ZNF778: variants seen among roughly 807,000 people sequenced by gnomAD.
ZNF778 encodes the protein zinc finger protein 778.
In ZNF778, 37 loss-of-function variants were observed where a neutral mutation model predicts 23.9. The ratio of observed to expected loss-of-function variants is 1.54; its 90% CI spans 1.19 to 2.03. ZNF778 has a LOEUF of 2.03. Ranked by LOEUF, ZNF778 falls within the 30% of genes most tolerant of loss-of-function variation. ZNF778 has a pLI of 0.00. For missense variants in ZNF778, 1,297 were observed against 934.4 expected, an observed-to-expected ratio of 1.39 and a Z score of -5.06; for synonymous variants, 483 against 343.9, an observed-to-expected ratio of 1.40 and a Z score of -4.48.
In ZNF778 at chr16:89,231,573, C is replaced by A. The variant is rs997597241; in HGVS notation, c.*3011C>A. The stretch of plus-strand genomic sequence containing the variant: ...CCCATGGACTGGGGTTCCTAAGGCA[C>A]AAATTTGATATTTGAGATTCTGTGA... On this transcript the variant is annotated 3_prime_UTR_variant, in exon 7 of 7. Coordinates refer to ENST00000433976, the MANE Select transcript of ZNF778 (RefSeq NM_001201407.2). The A allele has an allele frequency of 6.6e-6, 1 of 152,188 alleles. No individual in the cohort carries two copies. Among genetic ancestry groups the A allele is most frequent in the African/African-American group, 2.4e-5 (1 of 41,444 alleles). 9.4% of individuals were successfully genotyped at this position (152,188 alleles called of 1,614,324 possible). A position where few individuals can be genotyped will look rare whatever the true frequency, so the allele number is the denominator to read the frequency against.
rs1369834531 is a variant in ZNF778, at chr16:89,227,859, T to C, written c.1571T>C (p.Met524Thr). ...FTGRSGLTKH[M>T]RTHTGEKPYE... is the part of the protein sequence containing the mutation. The stretch of plus-strand genomic sequence containing the variant: ...GGGCGCTCAGGCCTCACTAAACACA[T>C]GCGGACACACACCGGGGAGAAGCCC... The change falls in exon 7 of 7, where the codon ATG becomes ACG. Residue 524 changes from methionine (M) to threonine (T), a missense_variant. By Grantham distance (81) the Met-to-Thr change is moderately conservative. Coordinates refer to ENST00000433976, the MANE Select transcript of ZNF778 (RefSeq NM_001201407.2). The C allele has an allele frequency of 5.0e-6, 8 of 1,613,872 alleles. No individual in the cohort carries two copies. The highest frequency in any genetic ancestry group is 1.7e-4 in the Middle Eastern group (1 of 6,060).
intron 3 of ZNF778, 67 bp downstream of exon 3, chr16:89,222,250 C>T (rs1161741390): frequency 2.3e-6 from 3 of 1,292,806 alleles, no homozygotes. Flanking sequence ...AAGTTTCTGT[C>T]TGAGCAGACT....
chr16:89,223,431 C>A (rs78195243), intron 4 of ZNF778, 148 bp downstream of exon 4: 4 of 1,120,320 alleles, frequency 3.6e-6, no homozygotes, highest in South Asian at 1.5e-5. Flanking sequence ...CTAGTGTGGT[C>A]GTTTCCAGAA....
Position 89,231,277 on chromosome 16 carries a change from G to A in ZNF778, c.*2715G>A, listed in dbSNP as rs528770190. On this transcript the variant is annotated 3_prime_UTR_variant, in exon 7 of 7. Transcript: ENST00000433976. ...TGATTGGCTGAAATAAGTCCTGCAG[G>A]TCTCTGCTAGAACTGACTCACAGTT... is the stretch of plus-strand genomic sequence containing the variant. 3 of 152,248 alleles carry A rather than the reference G, an allele frequency of 2.0e-5. No individual in the cohort carries two copies. Among genetic ancestry groups the A allele is most frequent in the African/African-American group, 7.2e-5 (3 of 41,456 alleles). 9.4% of individuals were successfully genotyped at this position (152,248 alleles called of 1,614,324 possible). A position where few individuals can be genotyped will look rare whatever the true frequency, so the allele number is the denominator to read the frequency against.
chr16:89,222,113 C>T lies in ZNF778; in HGVS notation c.47C>T (p.Ser16Leu), dbSNP rs764885729. The change falls in exon 3 of 7, where the codon TCA becomes TTA. Residue 16 changes from serine (S) to leucine (L), a missense_variant. Physicochemically the swap from Ser to Leu is moderately radical, Grantham distance 145 (BLOSUM62 -2). Coordinates refer to ENST00000433976, the MANE Select transcript of ZNF778 (RefSeq NM_001201407.2). ...TTAGGAGGTCATGTTTCTAGGGACT[C>T]AGTCTGCCTTCATGAAGAACAGACA... is the stretch of plus-strand genomic sequence containing the variant. Reference protein sequence around the residue: ...LAHGGHVSRDSVCLHEEQTQA... With the variant: ...LAHGGHVSRDLVCLHEEQTQA... 2.5e-6 allele frequency: 4 copies of T among 1,602,438 alleles called. No homozygotes were observed. The highest frequency in any genetic ancestry group is 4.5e-5 in the East Asian group (2 of 44,092).
chr16:89,218,934 C>G (rs2030640404), intron 1 of ZNF778, among the ~76,000 whole-genome samples: 1 of 152,108 alleles, frequency 6.6e-6, no homozygotes, highest in South Asian at 2.1e-4. Flanking sequence ...ATGGAGAAAT[C>G]CCGTCTCTAC....
chr16:89,227,238 C>A lies in ZNF778; in HGVS notation c.950C>A (p.Ala317Asp). 1 of 1,613,486 alleles carries A rather than the reference C, an allele frequency of 6.2e-7. No individual in the cohort carries two copies. Among genetic ancestry groups the A allele is most frequent in the Non-Finnish European group, 8.5e-7 (1 of 1,179,472 alleles). ...TGTGAATTGGAAGAATGTGGAAAAG[C>A]CTCCCCTGTTTCTTCCAGCCTAACT... ...KPCELEECGK[A>D]SPVSSSLTQH... The change falls in exon 7 of 7, where the codon GCC (alanine) becomes GAC (aspartate). Residue 317 changes from alanine to aspartate, a missense_variant. Transcript: ENST00000433976.
chr16:89,224,503 C>T, intron 4 of ZNF778: 1 of 450,176 alleles, frequency 2.2e-6, no homozygotes, highest in Non-Finnish European at 4.1e-6. Flanking sequence ...CCTATAGTCC[C>T]AGCTACTTAG....
rs2151637446 is a variant in ZNF778, at chr16:89,228,698, A to G, written c.*136A>G. On this transcript the variant is annotated 3_prime_UTR_variant, in exon 7 of 7. Coordinates refer to ENST00000433976, the MANE Select transcript of ZNF778 (RefSeq NM_001201407.2). ...TCTCATCACAACCCGGCAGGCAGGA[A>G]CTCACCCTGGAGCCCTATGCAGCAG... 17 of 1,462,344 alleles carry G rather than the reference A, an allele frequency of 1.2e-5. No individual in the cohort carries two copies. The South Asian group carries it at 2.2e-4, about 19-fold the overall frequency. 90.6% of individuals were successfully genotyped at this position (1,462,344 alleles called of 1,614,324 possible). A position where few individuals can be genotyped will look rare whatever the true frequency, so the allele number is the denominator to read the frequency against.
Position 89,220,035 on chromosome 16 carries a change from G to A in ZNF778, c.-131-962G>A, listed in dbSNP as rs560919556. 3.3e-5 allele frequency among the ~76,000 whole-genome samples: 5 copies of A among 152,296 alleles called. No homozygotes were observed. The South Asian group carries it at 1.0e-3, about 32-fold the overall frequency. On this transcript the variant is annotated intron_variant, in intron 1 of 6. Transcript: ENST00000433976. ...GTTCACTGTATCCAACCAGCCTCAT[G>A]TCAACATAGTGTATGAGTGCAGTCT...
At position 89,233,722 on chromosome 16, in the gene ZNF778, AAC is replaced by A; in HGVS notation, c.*5161_*5162del. 1 of 1,035,338 alleles carries A rather than the reference AAC, an allele frequency of 9.7e-7. No homozygotes were observed. The highest frequency in any genetic ancestry group is 3.0e-5 in the Admixed American group (1 of 33,246). 64.1% of individuals were successfully genotyped at this position (1,035,338 alleles called of 1,614,324 possible). On this transcript the variant is annotated 3_prime_UTR_variant, in exon 7 of 7. Transcript: ENST00000433976. ...ATGCAACTCAACTCACTGCGTATGC[AAC>A]TCAACTCGCACTGCATATGCAACTC...
chr16:89,226,666 C>G (rs763748783), intron 6 of ZNF778, 28 bp from the exon 7 acceptor site: 61 of 1,582,616 alleles, frequency 3.9e-5, no homozygotes, highest in Non-Finnish European at 5.0e-5. Flanking sequence ...CAGTAACCCC[C>G]TGACCACCAC....
intron 4 of ZNF778, 93 bp downstream of exon 4, chr16:89,223,376 C>T (rs1388272949): frequency 1.3e-6 from 2 of 1,542,428 alleles, no homozygotes; most frequent in African/African-American, 1.4e-5. Flanking sequence ...AAGCCGAGTA[C>T]CACGGGAAGT....
chr16:89,233,967 A>G lies in ZNF778; in HGVS notation c.*5405A>G. ...TGGGCCTGCTGGAAGTATGCAGACTAGCCAGCCCCAGACTTCATCCTGCCC... is the reference window on the plus strand; with the variant it reads ...TGGGCCTGCTGGAAGTATGCAGACTGGCCAGCCCCAGACTTCATCCTGCCC... On this transcript the variant is annotated 3_prime_UTR_variant, in exon 7 of 7. Coordinates refer to ENST00000433976, the MANE Select transcript of ZNF778 (RefSeq NM_001201407.2). The G allele has an allele frequency of 7.9e-7, 1 of 1,262,238 alleles. No homozygotes were observed. The highest frequency in any genetic ancestry group is 1.0e-6 in the Non-Finnish European group (1 of 964,138). 78.2% of individuals were successfully genotyped at this position (1,262,238 alleles called of 1,614,324 possible). A position where few individuals can be genotyped will look rare whatever the true frequency, so the allele number is the denominator to read the frequency against.
At chr16:89,224,906 G>A in intron 5 of ZNF778, 104 bp downstream of exon 5, 1 of 789,428 alleles carries the variant, frequency 1.3e-6, no homozygotes, top group South Asian at 1.5e-5. Flanking sequence ...AAGTTAAGCG[G>A]CTGTGGGAGG....
rs2031999897 is a variant in ZNF778 at position 89,232,842 on chromosome 16, C to T, written c.*4280C>T. On this transcript the variant is annotated 3_prime_UTR_variant, in exon 7 of 7. Transcript: ENST00000433976. The stretch of plus-strand genomic sequence containing the variant: ...AACTCACACCGTATATGCAACTCAA[C>T]TCACACCGTGTATGCAAATCAACTC... 2 of 1,289,024 alleles carry T rather than the reference C, an allele frequency of 1.6e-6. No individual in the cohort carries two copies. Among genetic ancestry groups the T allele is most frequent in the Non-Finnish European group, 2.0e-6 (2 of 988,566 alleles). The allele number at this position is 1,289,024 out of a possible 1,614,324, so 79.8% of individuals were successfully genotyped here.
chr16:89,227,792 G>A lies in ZNF778; in HGVS notation c.1504G>A (p.Glu502Lys). The change falls in exon 7 of 7, where the codon GAG becomes AAG. Residue 502 changes from glutamate to lysine, a missense_variant. Transcript: ENST00000433976. The stretch of plus-strand genomic sequence containing the variant: ...TGAGCACGCGAGAATCCATACCGGA[G>A]AGAAACCCTACGAATGTAAGCAGTG... ...LTEHARIHTG[E>K]KPYECKQCGK... 6.2e-7 allele frequency: 1 copy of A among 1,613,898 alleles called. No individual in the cohort carries two copies. The highest frequency in any genetic ancestry group is 2.2e-5 in the East Asian group (1 of 44,862).
At position 89,229,633 on chromosome 16, in the gene ZNF778, G is replaced by A. The variant is rs35878397; in HGVS notation, c.*1071G>A. On this transcript the variant is annotated 3_prime_UTR_variant, in exon 7 of 7. Coordinates refer to ENST00000433976, the MANE Select transcript of ZNF778 (RefSeq NM_001201407.2). ...CAGATGTGATTCTGTGAGCAGCGTA[G>A]GCTCTGCTTGGTTAGTCTTGAGGAT... 2.0e-6 allele frequency: 2 copies of A among 981,212 alleles called. No individual in the cohort carries two copies. Among genetic ancestry groups the A allele is most frequent in the African/African-American group, 1.8e-5 (1 of 55,466 alleles). The allele number at this position is 981,212 out of a possible 1,614,324, so 60.8% of individuals were successfully genotyped here. A position where few individuals can be genotyped will look rare whatever the true frequency, so the allele number is the denominator to read the frequency against.
rs1189825957 is a variant in ZNF778, at chr16:89,229,637, CTGCT to C, written c.*1078_*1081del. The C allele has an allele frequency of 9.1e-6, 9 of 984,492 alleles. No homozygotes were observed. The Admixed American group carries it at 4.9e-4, about 54-fold the overall frequency. 61.0% of individuals were successfully genotyped at this position (984,492 alleles called of 1,614,324 possible). A position where few individuals can be genotyped will look rare whatever the true frequency, so the allele number is the denominator to read the frequency against. ...TGTGATTCTGTGAGCAGCGTAGGCT[CTGCT>C]TGGTTAGTCTTGAGGATCCAGATGT... is the stretch of plus-strand genomic sequence containing the variant. On this transcript the variant is annotated 3_prime_UTR_variant, in exon 7 of 7. Transcript: ENST00000433976.
Sources: allele counts gnomAD v4.1 joint callset (sites outside exome capture counted in the v4.1 genomes callset), GRCh38; gene constraint gnomAD v4.1.1; transcripts MANE v1.5; gene names NCBI Gene and HGNC (gene_info 2026-07-23, HGNC 2026-07-21).